KDM3B: variants seen among roughly 807,000 people sequenced by gnomAD.
The protein encoded by KDM3B is lysine-specific demethylase 3B.
A neutral mutation model predicts 170.0 loss-of-function variants in KDM3B; 10 were observed. The ratio of observed to expected loss-of-function variants is 0.06; its 90% CI spans 0.04 to 0.10. KDM3B has a LOEUF of 0.10. KDM3B is among the 10% of genes least tolerant of loss of function. KDM3B has a pLI of 1.00. For synonymous variants in KDM3B, 831 were observed against 834.8 expected, an observed-to-expected ratio of 1.00 and a Z score of 0.08; for missense variants, 1,394 against 2,195.2, an observed-to-expected ratio of 0.64 and a Z score of 7.29.
chr5:138,381,655 C>T, intron 6 of KDM3B, 65 bp downstream of exon 6: 1 of 994,084 alleles, frequency 1.0e-6, no homozygotes, highest in Non-Finnish European at 1.6e-6. Flanking sequence ...GTGTGTAGAT[C>T]CCTTATATAT....
chr5:138,428,407 C>T (rs960731127), intron 20 of KDM3B, among the ~76,000 whole-genome samples: 2 of 152,172 alleles, frequency 1.3e-5, no homozygotes, highest in South Asian at 2.1e-4. Flanking sequence ...AGACGGGTTT[C>T]GCCATGTTGG....
At chr5:138,422,196 T>TC (rs1763289358) in intron 15 of KDM3B, among the ~76,000 whole-genome samples, 1 of 152,216 alleles carries the variant, frequency 6.6e-6, no homozygotes, top group Non-Finnish European at 1.5e-5. Flanking sequence ...CCATCTGACC[T>TC]ATTACATGTT....
chr5:138,431,468 T>C lies in KDM3B; in HGVS notation c.5114T>C (p.Val1705Ala). ...YSCIKVAEDF[V>A]SPEHVKHCFR... ...TGCATAAAAGTAGCAGAAGACTTTG[T>C]ATCTCCAGAACATGTAAAGCACTGT... Residue 1705 changes from valine (V) to alanine (A), a missense_variant, in exon 23 of 24, where the codon GTA (valine) becomes GCA (alanine). Transcript: ENST00000314358. 1 of 1,612,074 alleles carries C rather than the reference T, an allele frequency of 6.2e-7. No individual in the cohort carries two copies.
rs536310776 is a variant in KDM3B, at chr5:138,423,926, C to T, written c.3973-149C>T. On this transcript the variant is annotated intron_variant, in intron 15 of 23. Transcript: ENST00000314358. ...TTTAAGATGTTGACTTATTATCCCCCTTCCAGTTGTAAAAGACATTTTAAT... is the reference window on the plus strand; with the variant it reads ...TTTAAGATGTTGACTTATTATCCCCTTTCCAGTTGTAAAAGACATTTTAAT... The T allele has an allele frequency of 2.1e-5, 14 of 676,344 alleles. No individual in the cohort carries two copies. In the East Asian group the frequency reaches 3.4e-4, roughly 16 times the overall value. The allele number at this position is 676,344 out of a possible 1,614,324, so 41.9% of individuals were successfully genotyped here. A position where few individuals can be genotyped will look rare whatever the true frequency, so the allele number is the denominator to read the frequency against.
rs774364867 is a variant in KDM3B, at chr5:138,375,226, G to C, written c.474+20G>C. ...TTTCAGGTATTTAACACTTGCTTTA[G>C]TCTTGAGCCTATTATTTTTTTCGCT... On this transcript the variant is annotated intron_variant, in intron 3 of 23. Transcript: ENST00000314358. The C allele has an allele frequency of 6.7e-6, 10 of 1,489,428 alleles. No individual in the cohort carries two copies. The Middle Eastern group carries it at 6.9e-4, about 102-fold the overall frequency. 92.3% of individuals were successfully genotyped at this position (1,489,428 alleles called of 1,614,324 possible). A position where few individuals can be genotyped will look rare whatever the true frequency, so the allele number is the denominator to read the frequency against.
At chr5:138,414,889 G>A (rs534531497) in intron 11 of KDM3B, among the ~76,000 whole-genome samples, 9 of 152,308 alleles carry the variant, frequency 5.9e-5, no homozygotes, top group Admixed American at 2.6e-4. Flanking sequence ...CCAGAGAGGC[G>A]GAGGTTGCGG....
intron 3 of KDM3B, among the ~76,000 whole-genome samples, chr5:138,375,794 A>G (rs1761983633): frequency 1.3e-5 from 2 of 151,978 alleles, no homozygotes; most frequent in Non-Finnish European, 2.9e-5. Context: ...CTCCTGCCTC[A>G]GCCTCCCAAG....
In KDM3B at chr5:138,407,748, C is replaced by T. The variant is rs905133745; in HGVS notation, c.3200-7384C>T. Among the ~76,000 whole-genome samples, 14 of 152,168 alleles carry T rather than the reference C, an allele frequency of 9.2e-5. 1 individual carries two copies. The highest frequency in any genetic ancestry group is 3.9e-4 in the Admixed American group (6 of 15,268). ...CATGGACGTGCCTTTCTTCCGAGGA[C>T]TCTTAGATCGGCCCCAGGAGGAGCC... On this transcript the variant is annotated intron_variant, in intron 11 of 23. Transcript: ENST00000314358.
intron 7 of KDM3B, 96 bp from the exon 8 acceptor site, chr5:138,390,917 A>G (rs766653586): frequency 2.2e-5 from 27 of 1,207,084 alleles, no homozygotes; most frequent in Non-Finnish European, 3.0e-5. Flanking sequence ...ATGGACCCCC[A>G]AGAAATGTTG....
rs1446767851 is a variant in KDM3B at position 138,391,248 on chromosome 5, A to G, written c.1616A>G (p.Tyr539Cys). The G allele has an allele frequency of 6.2e-7, 1 of 1,614,116 alleles. No individual in the cohort carries two copies. The highest frequency in any genetic ancestry group is 1.7e-5 in the Admixed American group (1 of 60,000). Residue 539 changes from tyrosine to cysteine, a missense_variant, in exon 8 of 24, where the codon TAC becomes TGC. By Grantham distance (194) the Tyr-to-Cys change is radical. This residue lies in a region of KDM3B where 294 missense variants were observed against 311.7 expected (regional missense o/e 0.94). Transcript: ENST00000314358. The surrounding 1 kb of genome is among the most constrained non-coding windows in gnomAD (Gnocchi z 5.0). ...CMSQTLPTSNYFTTVSESLAD... is the reference protein window; with the variant it reads ...CMSQTLPTSNCFTTVSESLAD... ...TCCCAAACTTTACCTACCAGTAACT[A>G]CTTCACTACTGTTTCAGAGAGTTTG...
rs768324324 is a variant in KDM3B at position 138,393,153 on chromosome 5, C to T, written c.2630-18C>T. ...TTACACCTCATGACAAACTTTTCTTCTCTCCCCCTTGCCACAGTTGGCCAG... is the reference window on the plus strand; with the variant it reads ...TTACACCTCATGACAAACTTTTCTTTTCTCCCCCTTGCCACAGTTGGCCAG... On this transcript the variant is annotated intron_variant, in intron 8 of 23. Coordinates refer to ENST00000314358, the MANE Select transcript of KDM3B (RefSeq NM_016604.4). 1 of 1,612,630 alleles carries T rather than the reference C, an allele frequency of 6.2e-7. No individual in the cohort carries two copies. Among genetic ancestry groups the T allele is most frequent in the Non-Finnish European group, 8.5e-7 (1 of 1,179,428 alleles).
At chr5:138,367,272 T>C (rs1761768489) in intron 1 of KDM3B, among the ~76,000 whole-genome samples, 1 of 152,242 alleles carries the variant, frequency 6.6e-6, no homozygotes, top group African/African-American at 2.4e-5. Context: ...CTTGATATTC[T>C]TGGCCCTGTC....
chr5:138,370,506 A>AT (rs1761846344), intron 1 of KDM3B, among the ~76,000 whole-genome samples: 1 of 152,240 alleles, frequency 6.6e-6, no homozygotes, highest in Admixed American at 6.5e-5. Context: ...ACAAAAAAAA[A>AT]GCCATTGTGA....
At chr5:138,394,405 C>CTGATA (rs1289646866) in intron 9 of KDM3B, among the ~76,000 whole-genome samples, 1 of 152,070 alleles carries the variant, frequency 6.6e-6, no homozygotes, top group African/African-American at 2.4e-5. Context: ...AGTGATATGT[C>CTGATA]AGCTGATAAT....
chr5:138,391,536 A>G lies in KDM3B; in HGVS notation c.1904A>G (p.Asn635Ser), dbSNP rs757113953. ...AAATTGTCCCGAGAAGAGCCTTCTA[A>G]TCCTTTCCTGGCATTTGTGGAGAAA... ...PPKLSREEPS[N>S]PFLAFVEKVE... The change falls in exon 8 of 24, where the codon AAT becomes AGT. Residue 635 changes from asparagine to serine, a missense_variant. Physicochemically the swap from Asn to Ser is conservative, Grantham distance 46 (BLOSUM62 1). Around this residue, in one of 19 missense-constraint regions of KDM3B, gnomAD observed 294 missense variants for 311.7 expected, o/e 0.94. Transcript: ENST00000314358. This position sits in a 1 kb window ranked among gnomAD's most constrained non-coding sequence, Gnocchi z 5.0. 3 of 1,614,058 alleles carry G rather than the reference A, an allele frequency of 1.9e-6. No individual in the cohort carries two copies. Among genetic ancestry groups the G allele is most frequent in the Non-Finnish European group, 2.5e-6 (3 of 1,180,040 alleles).
chr5:138,393,666 T>G (rs1762486085), intron 9 of KDM3B, among the ~76,000 whole-genome samples: 1 of 152,232 alleles, frequency 6.6e-6, no homozygotes, highest in Non-Finnish European at 1.5e-5. Flanking sequence ...ACCACTATTA[T>G]AAGCAGAAGG....
intron 11 of KDM3B, among the ~76,000 whole-genome samples, chr5:138,402,297 G>A (rs1054220017): frequency 1.4e-4 from 22 of 152,132 alleles, no homozygotes; most frequent in East Asian, 1.2e-3. Flanking sequence ...ATCTTATTAC[G>A]TGCCAGAAAC....
rs7726234 is a variant in KDM3B, at chr5:138,419,006, T to C, written c.3489T>C (p.Gly1163=). The change falls in exon 14 of 24, where the codon GGT becomes GGC. Residue 1163 remains glycine (G), a synonymous_variant. Coordinates refer to ENST00000314358, the MANE Select transcript of KDM3B (RefSeq NM_016604.4). ...CTGGAAACGAAACTACCTTCTCTGG[T>C]GGAGGAGGACCGGCACCAGTAACAA... ...ASSGNETTFS[G]GGGPAPVTTP... The C allele has an allele frequency of 0.6, 971,852 of 1,613,784 alleles. 296,480 individuals carry two copies. Among genetic ancestry groups the C allele is most frequent in the East Asian group, 0.86 (38,384 of 44,864 alleles).
At chr5:138,409,235 T>A (rs976577755) in intron 11 of KDM3B, among the ~76,000 whole-genome samples, 1 of 152,056 alleles carries the variant, frequency 6.6e-6, no homozygotes, top group African/African-American at 2.4e-5. Context: ...AGAAGAGACA[T>A]ACAGATTGGA....
Sources: allele counts gnomAD v4.1 joint callset (sites outside exome capture counted in the v4.1 genomes callset), GRCh38; gene constraint gnomAD v4.1.1; regional missense constraint gnomAD v4.1.1; non-coding constraint Gnocchi (gnomAD v3.1); transcripts MANE v1.5; gene names NCBI Gene and HGNC (gene_info 2026-07-23, HGNC 2026-07-21).